NRXN1: variants seen among roughly 807,000 people sequenced by gnomAD.
NRXN1 encodes neurexin 1.
NRXN1 carries 39 observed loss-of-function variants against 150.9 expected under a neutral mutation model. That is an observed-to-expected ratio of 0.26 (90% CI 0.20 to 0.34). The LOEUF (loss-of-function observed/expected upper bound fraction) is 0.34, where lower values mean the gene tolerates loss of function less well. Ranked by LOEUF, NRXN1 falls within the 10% of genes least tolerant of loss-of-function variation. NRXN1 has a pLI of 1.00. For missense variants in NRXN1, 1,815 were observed against 1,949.9 expected (o/e 0.93, Z 1.30); for synonymous variants, 924 against 757.0 (o/e 1.22, Z -3.62).
chr2:50,572,768 C>T (rs1488287148), intron 8 of NRXN1, among the ~76,000 whole-genome samples: 1 of 152,122 alleles, frequency 6.6e-6, no homozygotes, highest in Non-Finnish European at 1.5e-5. Flanking sequence ...ATAAAACTTA[C>T]TTTATTTTTC....
At chr2:50,536,507 G>T (rs10175222) in intron 10 of NRXN1, among the ~76,000 whole-genome samples, 43,583 of 152,054 alleles carry the variant, frequency 0.29, 6,657 homozygotes, top group East Asian at 0.51. Context: ...TTTTGCCATA[G>T]GTAGTAGCGG....
intron 17 of NRXN1, among the ~76,000 whole-genome samples, chr2:50,385,546 C>T (rs559830199): frequency 6.6e-6 from 1 of 152,334 alleles, no homozygotes; most frequent in African/African-American, 2.4e-5. Flanking sequence ...CCAACACTCT[C>T]AGTGGGTAAA....
intron 19 of NRXN1, among the ~76,000 whole-genome samples, chr2:50,069,903 T>C (rs950991514): frequency 3.4e-5 from 5 of 146,298 alleles, no homozygotes; most frequent in Non-Finnish European, 7.4e-5. Context: ...CAGGCTGGAG[T>C]GCAGTGGTGC....
chr2:50,773,590 G>C (rs1288661923), intron 5 of NRXN1, among the ~76,000 whole-genome samples: 1 of 152,174 alleles, frequency 6.6e-6, no homozygotes, highest in Non-Finnish European at 1.5e-5. Context: ...GCTAAGTTCA[G>C]TGAACTCCCA....
chr2:50,601,995 T>C (rs1676355896), intron 8 of NRXN1, among the ~76,000 whole-genome samples: 2 of 152,178 alleles, frequency 1.3e-5, no homozygotes, highest in South Asian at 2.1e-4. Context: ...CCAAGAATCA[T>C]AAGACCCAGT....
At chr2:50,977,571 A>G (rs1402231972) in intron 2 of NRXN1, among the ~76,000 whole-genome samples, 1 of 151,964 alleles carries the variant, frequency 6.6e-6, no homozygotes, top group African/African-American at 2.4e-5. Flanking sequence ...TTACTGCAGA[A>G]TAATCTCTCT....
chr2:50,506,889 G>C (rs898703607), intron 12 of NRXN1: 1 of 372,754 alleles, frequency 2.7e-6, no homozygotes, highest in Admixed American at 4.1e-5. Flanking sequence ...TTAATCCTAC[G>C]CATTGATCCA....
rs56782252 is a variant in NRXN1 at position 50,945,518 on chromosome 2, C to CTA, written c.773-19565_773-19564dup. Among the ~76,000 whole-genome samples, 1,217 of 147,632 alleles carry CTA rather than the reference C, an allele frequency of 8.2e-3. 14 individuals carry two copies. Among genetic ancestry groups the CTA allele is most frequent in the African/African-American group, 0.023 (941 of 40,058 alleles). On this transcript the variant is annotated intron_variant, in intron 2 of 22. Transcript: ENST00000401669. ...TAGCTCCCTCTCTCTCTCTCTCTTA[C>CTA]TATATATATATATATATATGGCTAT...
At chr2:50,056,737 C>G (rs1317108702) in intron 19 of NRXN1, among the ~76,000 whole-genome samples, 1 of 151,970 alleles carries the variant, frequency 6.6e-6, no homozygotes, top group Admixed American at 6.6e-5. Context: ...TGATCAATTA[C>G]ATGTTTTTGG....
chr2:50,599,761 C>G (rs571147170), intron 8 of NRXN1, among the ~76,000 whole-genome samples: 10 of 152,150 alleles, frequency 6.6e-5, no homozygotes, highest in Admixed American at 2.6e-4. Flanking sequence ...TCATCAGAAA[C>G]GCCTGGATGT....
At chr2:50,308,367 T>C (rs1463436205) in intron 17 of NRXN1, among the ~76,000 whole-genome samples, 2 of 152,138 alleles carry the variant, frequency 1.3e-5, no homozygotes, top group Non-Finnish European at 2.9e-5. Context: ...TGTTACTCTT[T>C]TGCCCAGGCT....
chr2:50,819,079 A>T (rs548719951), intron 5 of NRXN1, among the ~76,000 whole-genome samples: 14 of 152,284 alleles, frequency 9.2e-5, no homozygotes, highest in African/African-American at 3.4e-4. Flanking sequence ...TTTGGTGAGA[A>T]TGTAAAATGG....
At chr2:50,831,608 G>T (rs950032493) in intron 5 of NRXN1, among the ~76,000 whole-genome samples, 2 of 152,134 alleles carry the variant, frequency 1.3e-5, no homozygotes, top group Admixed American at 1.3e-4. Flanking sequence ...GTTAAGATAT[G>T]TACACATTTC....
At chr2:50,300,718 C>T (rs987868470) in intron 17 of NRXN1, among the ~76,000 whole-genome samples, 3 of 152,134 alleles carry the variant, frequency 2.0e-5, no homozygotes, top group East Asian at 3.9e-4. Flanking sequence ...TGTTTTGAGA[C>T]AGAGTCTTGC....
At chr2:49,978,836 C>G (rs1279450379) in intron 21 of NRXN1, among the ~76,000 whole-genome samples, 1 of 151,920 alleles carries the variant, frequency 6.6e-6, no homozygotes, top group Admixed American at 6.6e-5. Flanking sequence ...ATTGAATAGT[C>G]CAACTCCTTC....
intron 19 of NRXN1, among the ~76,000 whole-genome samples, chr2:50,081,422 A>G (rs775944589): frequency 6.6e-5 from 10 of 152,240 alleles, no homozygotes; most frequent in Non-Finnish European, 1.3e-4. Context: ...ACTAAAATAC[A>G]AAAATTAGCT....
At chr2:50,112,934 A>G (rs1415843155) in intron 18 of NRXN1, among the ~76,000 whole-genome samples, 1 of 152,200 alleles carries the variant, frequency 6.6e-6, no homozygotes, top group Non-Finnish European at 1.5e-5. Flanking sequence ...TTTTTGGAAC[A>G]CAAGACATCT....
intron 8 of NRXN1, among the ~76,000 whole-genome samples, chr2:50,594,009 T>G (rs1276616936): frequency 6.6e-6 from 1 of 152,158 alleles, no homozygotes; most frequent in Non-Finnish European, 1.5e-5. Flanking sequence ...ATAAACAAAT[T>G]TGATTTTGCT....
At chr2:50,479,015 C>T (rs1226322351) in intron 15 of NRXN1, among the ~76,000 whole-genome samples, 1 of 152,200 alleles carries the variant, frequency 6.6e-6, no homozygotes, top group African/African-American at 2.4e-5. Flanking sequence ...CTCATCAACA[C>T]TGTCTCAGTC....
Sources: gnomAD v4.1 joint callset for allele counts (sites outside exome capture counted in the v4.1 genomes callset) on GRCh38, gnomAD v4.1.1 for gene constraint, MANE v1.5 for transcripts, NCBI Gene and HGNC (gene_info 2026-07-23, HGNC 2026-07-21) for gene names.